GRIP1: variants seen among roughly 807,000 people sequenced by gnomAD.
The protein encoded by GRIP1 is glutamate receptor-interacting protein 1.
In GRIP1, 45 loss-of-function variants were observed where a neutral mutation model predicts 129.9. The ratio of observed to expected loss-of-function variants is 0.35; its 90% CI spans 0.27 to 0.44. The LOEUF (loss-of-function observed/expected upper bound fraction) is 0.44. Among genes scored for constraint, GRIP1 ranks in the 20% least tolerant of loss-of-function variants. GRIP1 has a pLI of 1.00. For missense variants in GRIP1, 1,196 were observed against 1,396.8 expected (o/e 0.86, Z 2.29); for synonymous variants, 530 against 520.8 (o/e 1.02, Z -0.24).
intron 1 of GRIP1, among the ~76,000 whole-genome samples, chr12:66,966,054 G>A (rs1422346475): frequency 6.6e-6 from 1 of 152,084 alleles, no homozygotes. Context: ...AAAAGACAAT[G>A]AATAACATGG....
intron 1 of GRIP1, among the ~76,000 whole-genome samples, chr12:66,648,459 C>G (rs1180480149): frequency 6.6e-6 from 1 of 152,138 alleles, no homozygotes; most frequent in Non-Finnish European, 1.5e-5. Context: ...CAGCTTACGG[C>G]AGTTGTTCAA....
Position 66,598,736 on chromosome 12 carries a change from CAG to C in GRIP1, c.56-1811_56-1810del, listed in dbSNP as rs1433278188. 2.0e-5 allele frequency among the ~76,000 whole-genome samples: 3 copies of C among 152,300 alleles called. No homozygotes were observed. The East Asian group carries it at 5.8e-4, about 29-fold the overall frequency. On this transcript the variant is annotated intron_variant, in intron 1 of 24. Coordinates refer to ENST00000359742, the MANE Select transcript of GRIP1 (RefSeq NM_001366722.1). ...CCTTTCATTGTCCAAAACCTTGAAA[CAG>C]TGTGTTTATGAGCATAGAGCACTGA... is the stretch of plus-strand genomic sequence containing the variant.
At chr12:66,617,995 G>T (rs182216871) in intron 1 of GRIP1, among the ~76,000 whole-genome samples, 126 of 152,072 alleles carry the variant, frequency 8.3e-4, no homozygotes, top group African/African-American at 2.9e-3. Context: ...TATACCATTT[G>T]ACCCAGAATT....
chr12:66,578,563 G>A (rs147272818), intron 2 of GRIP1, among the ~76,000 whole-genome samples: 2,600 of 150,864 alleles, frequency 0.017, 68 homozygotes, highest in African/African-American at 0.059. Flanking sequence ...CAAATACTGC[G>A]CTTTTCCAAA....
At chr12:66,604,134 C>G (rs2064402052) in intron 1 of GRIP1, among the ~76,000 whole-genome samples, 1 of 152,166 alleles carries the variant, frequency 6.6e-6, no homozygotes, top group South Asian at 2.1e-4. Context: ...AGCACAGAAC[C>G]CAGCCTCTGA....
At chr12:66,828,079 T>C (rs1412346106) in intron 1 of GRIP1, among the ~76,000 whole-genome samples, 1 of 152,182 alleles carries the variant, frequency 6.6e-6, no homozygotes, top group Non-Finnish European at 1.5e-5. Context: ...GGGTCCAAAA[T>C]GGACCAAATA....
chr12:66,365,758 G>A (rs554715319), intron 23 of GRIP1, among the ~76,000 whole-genome samples: 1 of 152,316 alleles, frequency 6.6e-6, no homozygotes, highest in African/African-American at 2.4e-5. Flanking sequence ...GTCTAGGGTG[G>A]CTTTATGGCA....
chr12:66,944,680 A>G (rs1199498778), intron 1 of GRIP1, among the ~76,000 whole-genome samples: 1 of 152,246 alleles, frequency 6.6e-6, no homozygotes, highest in East Asian at 1.9e-4. Flanking sequence ...GAAAGGGAAC[A>G]GCCTGATGTA....
intron 14 of GRIP1, among the ~76,000 whole-genome samples, chr12:66,423,270 G>C (rs188803061): frequency 6.6e-6 from 1 of 152,318 alleles, no homozygotes; most frequent in Admixed American, 6.5e-5. Flanking sequence ...GAATAACAGT[G>C]CTTACCATAC....
At position 66,445,479 on chromosome 12, in the gene GRIP1, C is replaced by A; in HGVS notation, c.1384G>T (p.Ala462Ser). 3 of 1,613,880 alleles carry A rather than the reference C, an allele frequency of 1.9e-6. No homozygotes were observed. The highest frequency in any genetic ancestry group is 2.5e-6 in the Non-Finnish European group (3 of 1,179,898). ...LSLASSTVGL[A>S]GQVVHTETTE... ...GTTTCTGTGTGAACAACCTGCCCAGCCAATCCTACTGTGCTGGAGGCTAAG... is the reference window on the plus strand; with the variant it reads ...GTTTCTGTGTGAACAACCTGCCCAGACAATCCTACTGTGCTGGAGGCTAAG... Residue 462 changes from alanine (A) to serine (S), a missense_variant, in exon 12 of 25, where the codon GCT (alanine) becomes TCT (serine). Around this residue, in one of 5 missense-constraint regions of GRIP1, gnomAD observed 508 missense variants for 587.0 expected, o/e 0.87. Transcript: ENST00000359742.
intron 17 of GRIP1, 23 bp downstream of exon 17, chr12:66,394,185 A>AT: frequency 6.2e-7 from 1 of 1,606,938 alleles, no homozygotes. Flanking sequence ...ACAGGTAATT[A>AT]TAACAGTTAC....
intron 1 of GRIP1, among the ~76,000 whole-genome samples, chr12:67,014,302 A>G (rs534473937): frequency 1.4e-4 from 21 of 152,322 alleles, no homozygotes; most frequent in Non-Finnish European, 2.6e-4. Flanking sequence ...TTTCACTTCC[A>G]AAAGTATTCT....
intron 1 of GRIP1, among the ~76,000 whole-genome samples, chr12:66,637,080 G>T (rs1021037018): frequency 7.2e-5 from 11 of 152,118 alleles, no homozygotes; most frequent in Admixed American, 1.3e-4. Context: ...GCTTCATGGT[G>T]TGCATTCCAG....
At chr12:66,694,725 G>A (rs183821769) in intron 1 of GRIP1, among the ~76,000 whole-genome samples, 106 of 152,240 alleles carry the variant, frequency 7.0e-4, no homozygotes, top group South Asian at 1.7e-3. Context: ...CCAACCCACA[G>A]TCACCTAGTA....
chr12:66,429,943 G>C, intron 14 of GRIP1, among the ~76,000 whole-genome samples: 1 of 152,178 alleles, frequency 6.6e-6, no homozygotes, highest in East Asian at 1.9e-4. Context: ...TAGGCTCTGA[G>C]TCCTTGCTCT....
chr12:66,723,296 CTTTCTTTCT>C (rs1565988069), intron 1 of GRIP1, among the ~76,000 whole-genome samples: 68 of 22,072 alleles, frequency 3.1e-3, no homozygotes, highest in East Asian at 0.018. Flanking sequence ...TTCTTTCTTT[CTTTCTTTCT>C]TTTTTTTTTT....
At chr12:66,736,346 ATTTTTTTTTTTTTTTTTTTTTT>A (rs547706592) in intron 1 of GRIP1, among the ~76,000 whole-genome samples, 10,814 of 66,802 alleles carry the variant, frequency 0.16, 1,079 homozygotes, top group South Asian at 0.21. Flanking sequence ...TGCCTGGCTA[ATTTTTTTTTTTTTTTTTTTTTT>A]TTTTTTTTTT....
At chr12:67,014,313 GGT>G (rs1300985603) in intron 1 of GRIP1, among the ~76,000 whole-genome samples, 1 of 152,120 alleles carries the variant, frequency 6.6e-6, no homozygotes, top group African/African-American at 2.4e-5. Context: ...AAAGTATTCT[GGT>G]TTGAATGATA....
At chr12:66,569,603 C>T (rs1170414652) in intron 2 of GRIP1, among the ~76,000 whole-genome samples, 1 of 152,188 alleles carries the variant, frequency 6.6e-6, no homozygotes, top group Non-Finnish European at 1.5e-5. Flanking sequence ...TAGCCTGGCC[C>T]TGGGCAGGCA....
Sources: allele counts gnomAD v4.1 joint callset (sites outside exome capture counted in the v4.1 genomes callset), GRCh38; gene constraint gnomAD v4.1.1; regional missense constraint gnomAD v4.1.1; transcripts MANE v1.5; gene names NCBI Gene and HGNC (gene_info 2026-07-23, HGNC 2026-07-21).